The following KCNQ1 variants were observed in gnomAD, a reference collection of about 807,000 sequenced individuals.
The protein encoded by KCNQ1 is potassium voltage-gated channel subfamily KQT member 1.
A neutral mutation model predicts 72.4 loss-of-function variants in KCNQ1; 49 were observed. That is an observed-to-expected ratio of 0.68 (90% CI 0.54 to 0.86). The LOEUF (loss-of-function observed/expected upper bound fraction) is 0.86. Among genes scored for constraint, KCNQ1 ranks in the 40% least tolerant of loss-of-function variants. The pLI, the probability that KCNQ1 is intolerant of heterozygous loss-of-function variation, is 0.00. For synonymous variants in KCNQ1, 450 were observed against 412.6 expected, an observed-to-expected ratio of 1.09 and a Z score of -1.10; for missense variants, 790 against 945.1, an observed-to-expected ratio of 0.84 and a Z score of 2.15.
chr11:2,551,416 C>T (rs184777753), intron 2 of KCNQ1, among the ~76,000 whole-genome samples: 92 of 152,244 alleles, frequency 6.0e-4, no homozygotes, highest in Admixed American at 3.8e-3. Flanking sequence ...GAGGCCCATC[C>T]GTGTCATGGT....
Position 2,735,812 on chromosome 11 carries a change from C to T in KCNQ1, c.1515-33032C>T, listed in dbSNP as rs1468751533. Among the ~76,000 whole-genome samples, 7 of 152,142 alleles carry T rather than the reference C, an allele frequency of 4.6e-5. No individual in the cohort carries two copies. The highest frequency in any genetic ancestry group is 2.1e-4 in the South Asian group (1 of 4,830). ...ATGGGGCCATCCCTCTGTGTGTGCCCGAGTCACCTTCTCCTCTCATAAGGA... is the reference window on the plus strand; with the variant it reads ...ATGGGGCCATCCCTCTGTGTGTGCCTGAGTCACCTTCTCCTCTCATAAGGA... On this transcript the variant is annotated intron_variant, in intron 11 of 15. Coordinates refer to ENST00000155840, the MANE Select transcript of KCNQ1 (RefSeq NM_000218.3). The surrounding 1 kb of genome is among the most constrained non-coding windows in gnomAD (Gnocchi z 7.7).
Position 2,677,390 on chromosome 11 carries a change from G to A in KCNQ1, c.1514+15309G>A, listed in dbSNP as rs914506765. On this transcript the variant is annotated intron_variant, in intron 11 of 15. Transcript: ENST00000155840. The surrounding 1 kb of genome is among the most constrained non-coding windows in gnomAD (Gnocchi z 4.5). ...GTTAATCAGTTGAAGAGGAAACCAA[G>A]ATCGATGCCTAGATAAGCATTTCAG... 2 of 398,484 alleles carry A rather than the reference G, an allele frequency of 5.0e-6. No individual in the cohort carries two copies. The highest frequency in any genetic ancestry group is 4.1e-5 in the African/African-American group (2 of 48,630). 24.7% of individuals were successfully genotyped at this position (398,484 alleles called of 1,614,324 possible).
At position 2,605,488 on chromosome 11, in the gene KCNQ1, A is replaced by G. The variant is rs186200569; in HGVS notation, c.1393+16634A>G. On this transcript the variant is annotated intron_variant, in intron 10 of 15. Coordinates refer to ENST00000155840, the MANE Select transcript of KCNQ1 (RefSeq NM_000218.3). ...TTTATATATGATGTGGAGTGGACCAATTGATTTTTCTCATGTGGATATCAG... is the reference window on the plus strand; with the variant it reads ...TTTATATATGATGTGGAGTGGACCAGTTGATTTTTCTCATGTGGATATCAG... Among the ~76,000 whole-genome samples, 128 of 152,322 alleles carry G rather than the reference A, an allele frequency of 8.4e-4. 1 individual carries two copies. Among genetic ancestry groups the G allele is most frequent in the African/African-American group, 2.6e-3 (107 of 41,580 alleles).
In KCNQ1 at chr11:2,748,078, T is replaced by C. The variant is rs1384775613; in HGVS notation, c.1515-20766T>C. Among the ~76,000 whole-genome samples, 1 of 152,256 alleles carries C rather than the reference T, an allele frequency of 6.6e-6. No homozygotes were observed. The highest frequency in any genetic ancestry group is 1.9e-4 in the East Asian group (1 of 5,174). Reference sequence around the variant, plus strand: ...AGAAAACCATGGCTCACCCACACTCTACCCTAGGAAAGGGCAGGTTCCCAG... The same window carrying C: ...AGAAAACCATGGCTCACCCACACTCCACCCTAGGAAAGGGCAGGTTCCCAG... On this transcript the variant is annotated intron_variant, in intron 11 of 15. Transcript: ENST00000155840. This position sits in a 1 kb window ranked among gnomAD's most constrained non-coding sequence, Gnocchi z 6.2.
chr11:2,616,692 T>C (rs1381514419), intron 10 of KCNQ1: 1 of 398,126 alleles, frequency 2.5e-6, no homozygotes, highest in East Asian at 3.6e-5. Context: ...ATTTGTTAAT[T>C]TTTAGGTTTT....
At position 2,687,976 on chromosome 11, in the gene KCNQ1, C is replaced by T. The variant is rs1850520003; in HGVS notation, c.1514+25895C>T. The stretch of plus-strand genomic sequence containing the variant: ...TCAGCCAGGCCGCTGCTTCCTGCTT[C>T]CCTTTGATGTCTCCTCGTGCGAGGG... On this transcript the variant is annotated intron_variant, in intron 11 of 15. Coordinates refer to ENST00000155840, the MANE Select transcript of KCNQ1 (RefSeq NM_000218.3). This position sits in a 1 kb window ranked among gnomAD's most constrained non-coding sequence, Gnocchi z 5.0. 3 of 398,632 alleles carry T rather than the reference C, an allele frequency of 7.5e-6. No individual in the cohort carries two copies. Among genetic ancestry groups the T allele is most frequent in the South Asian group, 1.3e-4 (1 of 7,866 alleles). 24.7% of individuals were successfully genotyped at this position (398,632 alleles called of 1,614,324 possible).
In KCNQ1 at chr11:2,678,005, A is replaced by G. The variant is rs1850323469; in HGVS notation, c.1514+15924A>G. 1 of 360,326 alleles carries G rather than the reference A, an allele frequency of 2.8e-6. No individual in the cohort carries two copies. The highest frequency in any genetic ancestry group is 4.6e-6 in the Non-Finnish European group (1 of 218,174). 22.3% of individuals were successfully genotyped at this position (360,326 alleles called of 1,614,324 possible). On this transcript the variant is annotated intron_variant, in intron 11 of 15. Transcript: ENST00000155840. The surrounding 1 kb of genome is among the most constrained non-coding windows in gnomAD (Gnocchi z 4.9). The stretch of plus-strand genomic sequence containing the variant: ...TGGAAATGAGGTTTTTATCTTTCCA[A>G]ATGCTTAAAATCATTTGTTTTTCTT...
Position 2,592,609 on chromosome 11 carries a change from C to T in KCNQ1, c.1393+3755C>T, listed in dbSNP as rs1848684965. 6.6e-6 allele frequency among the ~76,000 whole-genome samples: 1 copy of T among 152,226 alleles called. No homozygotes were observed. The highest frequency in any genetic ancestry group is 2.1e-4 in the South Asian group (1 of 4,830). On this transcript the variant is annotated intron_variant, in intron 10 of 15. Transcript: ENST00000155840. The surrounding 1 kb of genome is among the most constrained non-coding windows in gnomAD (Gnocchi z 5.2). ...AGTCTTTGCAGTGAAGCGTCACAGA[C>T]TCCTCATGAAGGATGCATGGGGACC...
At position 2,578,681 on chromosome 11, in the gene KCNQ1, C is replaced by T. The variant is rs574452430; in HGVS notation, c.922-4754C>T. Among the ~76,000 whole-genome samples the T allele has an allele frequency of 5.3e-5, 8 of 152,368 alleles. No individual in the cohort carries two copies. In the East Asian group the frequency reaches 5.8e-4, roughly 11 times the overall value. On this transcript the variant is annotated intron_variant, in intron 6 of 15. Coordinates refer to ENST00000155840, the MANE Select transcript of KCNQ1 (RefSeq NM_000218.3). ...GCATGGGATGTCCCGGAGCCCCTGC[C>T]GCCCTCCTTGGAGCTGTGGGGCTGA...
At chr11:2,732,563 T>TA (rs958837668) in intron 11 of KCNQ1, among the ~76,000 whole-genome samples, 15 of 152,310 alleles carry the variant, frequency 9.8e-5, no homozygotes, top group African/African-American at 3.4e-4. Context: ...AGGCGAATGT[T>TA]ACAGCAGGCG....
rs930660169 is a variant in KCNQ1, at chr11:2,827,749, C to T, written c.1795-20018C>T. ...CAGAAGGACTCAGATAGGAGTTGGG[C>T]GCTTGAGGGAGGAAATGGGGGTACA... On this transcript the variant is annotated intron_variant, in intron 15 of 15. Transcript: ENST00000155840. The surrounding 1 kb of genome is among the most constrained non-coding windows in gnomAD (Gnocchi z 6.7). Among the ~76,000 whole-genome samples the T allele has an allele frequency of 2.6e-5, 4 of 151,944 alleles. No homozygotes were observed. The highest frequency in any genetic ancestry group is 1.3e-4 in the Admixed American group (2 of 15,264).
Position 2,462,842 on chromosome 11 carries a change from G to A in KCNQ1, c.386+17358G>A, listed in dbSNP as rs1468557907. ...GACCCTCCCTGGGCTGGTGAGTCGGGGCCCAGCCCAGAGTGACAGGGACCA... is the reference window on the plus strand; with the variant it reads ...GACCCTCCCTGGGCTGGTGAGTCGGAGCCCAGCCCAGAGTGACAGGGACCA... On this transcript the variant is annotated intron_variant, in intron 1 of 15. Transcript: ENST00000155840. This position sits in a 1 kb window ranked among gnomAD's most constrained non-coding sequence, Gnocchi z 8.2. Among the ~76,000 whole-genome samples, 1 of 152,172 alleles carries A rather than the reference G, an allele frequency of 6.6e-6. No homozygotes were observed. Among genetic ancestry groups the A allele is most frequent in the Non-Finnish European group, 1.5e-5 (1 of 68,022 alleles).
chr11:2,646,013 G>T (rs1849660057), intron 10 of KCNQ1: 1 of 398,450 alleles, frequency 2.5e-6, no homozygotes, highest in Non-Finnish European at 4.4e-6. Flanking sequence ...GACCACTAGG[G>T]GCTCACTTAC....
rs1850726367 is a variant in KCNQ1, at chr11:2,699,083, A to C, written c.1514+37002A>C. ...ACTCAAAACCACAACATGGATTCCC[A>C]ACTTCCATCCCAATAGCGCGGACTC... On this transcript the variant is annotated intron_variant, in intron 11 of 15. Transcript: ENST00000155840. The C allele has an allele frequency of 1.3e-5, 5 of 398,476 alleles. No individual in the cohort carries two copies. The South Asian group carries it at 3.8e-4, about 30-fold the overall frequency. 24.7% of individuals were successfully genotyped at this position (398,476 alleles called of 1,614,324 possible).
Position 2,723,618 on chromosome 11 carries a change from G to C in KCNQ1, c.1515-45226G>C, listed in dbSNP as rs990478945. Among the ~76,000 whole-genome samples the C allele has an allele frequency of 6.6e-6, 1 of 152,200 alleles. No individual in the cohort carries two copies. The highest frequency in any genetic ancestry group is 2.4e-5 in the African/African-American group (1 of 41,462). ...ATGCCAGCCTCAAACTCAGCAGCTC[G>C]AAGTAGCAACAGCCTCGAATCCCTC... On this transcript the variant is annotated intron_variant, in intron 11 of 15. Coordinates refer to ENST00000155840, the MANE Select transcript of KCNQ1 (RefSeq NM_000218.3). This position sits in a 1 kb window ranked among gnomAD's most constrained non-coding sequence, Gnocchi z 4.2.
intron 1 of KCNQ1, among the ~76,000 whole-genome samples, chr11:2,476,780 G>A (rs952104124): frequency 3.3e-5 from 5 of 152,092 alleles, no homozygotes; most frequent in Admixed American, 6.6e-5. Flanking sequence ...TCTACCTCCC[G>A]GGTTCAAGCG....
At chr11:2,806,611 C>T (rs557573894) in intron 15 of KCNQ1, among the ~76,000 whole-genome samples, 8 of 152,344 alleles carry the variant, frequency 5.3e-5, no homozygotes, top group African/African-American at 1.9e-4. Context: ...GAGGAGGCTG[C>T]AGGTAACCCT....
intron 2 of KCNQ1, among the ~76,000 whole-genome samples, chr11:2,555,324 C>G (rs1004548444): frequency 5.3e-5 from 8 of 152,336 alleles, no homozygotes; most frequent in African/African-American, 1.9e-4. Context: ...CCAGTTCTAG[C>G]TAAGACAGTG....
chr11:2,501,528 G>A (rs1010975913), intron 1 of KCNQ1, among the ~76,000 whole-genome samples: 1 of 151,988 alleles, frequency 6.6e-6, no homozygotes, highest in Non-Finnish European at 1.5e-5. Context: ...GATTGAACCT[G>A]TAATTTAAAA....
Sources: gnomAD v4.1 joint callset for allele counts (sites outside exome capture counted in the v4.1 genomes callset) on GRCh38, gnomAD v4.1.1 for gene constraint, Gnocchi (gnomAD v3.1) non-coding constraint, MANE v1.5 for transcripts, NCBI Gene and HGNC (gene_info 2026-07-23, HGNC 2026-07-21) for gene names.